Variants in ASIC2 observed in about 807,000 individuals in gnomAD.
The protein encoded by ASIC2 is acid-sensing ion channel 2.
A neutral mutation model predicts 57.3 loss-of-function variants in ASIC2; 25 were observed. The ratio of observed to expected loss-of-function variants is 0.44; its 90% CI spans 0.32 to 0.61. ASIC2 has a LOEUF of 0.61. Ranked by LOEUF, ASIC2 falls within the 20% of genes least tolerant of loss-of-function variation. ASIC2 has a pLI of 0.06. For missense variants in ASIC2, 641 were observed against 738.1 expected (o/e 0.87, Z 1.52); for synonymous variants, 319 against 307.5 (o/e 1.04, Z -0.39).
chr17:33,662,662 A>AATACATAC (rs1040286677), intron 1 of ASIC2, among the ~76,000 whole-genome samples: 4 of 99,192 alleles, frequency 4.0e-5, no homozygotes, highest in Middle Eastern at 4.9e-3. Flanking sequence ...TAAATAAATA[A>AATACATAC]ATAAATAAGT....
At chr17:34,031,260 G>A (rs2142037098) in intron 1 of ASIC2, among the ~76,000 whole-genome samples, 1 of 152,350 alleles carries the variant, frequency 6.6e-6, no homozygotes, top group Admixed American at 6.5e-5. Context: ...AGGGTCTGGA[G>A]TGGACCTCTA....
intron 1 of ASIC2, among the ~76,000 whole-genome samples, chr17:33,425,661 G>A (rs1911193433): frequency 6.6e-6 from 1 of 152,152 alleles, no homozygotes; most frequent in Admixed American, 6.5e-5. Context: ...GGAAGGTTGA[G>A]AAAACAGAAG....
At chr17:33,854,470 T>C (rs1329216891) in intron 1 of ASIC2, among the ~76,000 whole-genome samples, 1 of 152,228 alleles carries the variant, frequency 6.6e-6, no homozygotes, top group African/African-American at 2.4e-5. Context: ...CATATATATT[T>C]AGTACATGTG....
At position 33,713,537 on chromosome 17, in the gene ASIC2, A is replaced by G. The variant is rs1413929250; in HGVS notation, c.555+442441T>C. Among the ~76,000 whole-genome samples the G allele has an allele frequency of 2.0e-5, 3 of 152,156 alleles. No homozygotes were observed. In the South Asian group the frequency reaches 6.2e-4, roughly 32 times the overall value. On this transcript the variant is annotated intron_variant, in intron 1 of 9. Transcript: ENST00000359872. Reference sequence around the variant, plus strand: ...TTGTGAGTGTGTGTCTCTTTGTCCAAATGTCCCTCTCCTTGTAAGGACACC... The same window carrying G: ...TTGTGAGTGTGTGTCTCTTTGTCCAGATGTCCCTCTCCTTGTAAGGACACC...
chr17:33,555,936 A>T (rs1467164575), intron 1 of ASIC2, among the ~76,000 whole-genome samples: 2 of 152,246 alleles, frequency 1.3e-5, no homozygotes, highest in African/African-American at 2.4e-5. Flanking sequence ...TCTGTTTTCC[A>T]GGACCTTAGA....
intron 5 of ASIC2, 71 bp downstream of exon 5, chr17:33,025,855 C>G: frequency 7.0e-7 from 1 of 1,436,574 alleles, no homozygotes; most frequent in Non-Finnish European, 9.4e-7. Flanking sequence ...TTCCCCAAAC[C>G]CAGATGATTT....
intron 1 of ASIC2, among the ~76,000 whole-genome samples, chr17:33,853,796 T>C (rs1218651584): frequency 6.6e-6 from 1 of 152,086 alleles, no homozygotes; most frequent in African/African-American, 2.4e-5. Context: ...GCTGATTTGA[T>C]AAGTAAGAGG....
At chr17:34,013,341 C>T (rs1281265986) in intron 1 of ASIC2, among the ~76,000 whole-genome samples, 5 of 152,130 alleles carry the variant, frequency 3.3e-5, no homozygotes, top group Non-Finnish European at 5.9e-5. Flanking sequence ...TAGAATGCTC[C>T]GCCTCCCAGG....
At chr17:33,749,683 C>T (rs895558357) in intron 1 of ASIC2, among the ~76,000 whole-genome samples, 6 of 152,120 alleles carry the variant, frequency 3.9e-5, no homozygotes, top group Admixed American at 2.0e-4. Flanking sequence ...GGACGACTGC[C>T]TCTCTTACAG....
At chr17:33,233,166 C>T (rs549463030) in intron 1 of ASIC2, among the ~76,000 whole-genome samples, 63 of 151,510 alleles carry the variant, frequency 4.2e-4, no homozygotes, top group African/African-American at 1.4e-3. Context: ...ATACCCTCAG[C>T]GGTCTGGGTA....
At chr17:33,169,620 C>T (rs1905431668) in intron 1 of ASIC2, among the ~76,000 whole-genome samples, 1 of 152,180 alleles carries the variant, frequency 6.6e-6, no homozygotes, top group Non-Finnish European at 1.5e-5. Context: ...CAAATCTCTC[C>T]TTTTCTCAAA....
chr17:33,657,073 A>G (rs1907098192), intron 1 of ASIC2, among the ~76,000 whole-genome samples: 1 of 152,316 alleles, frequency 6.6e-6, no homozygotes, highest in East Asian at 1.9e-4. Flanking sequence ...TTGGATGAAC[A>G]TCTGAGATAG....
intron 1 of ASIC2, among the ~76,000 whole-genome samples, chr17:34,049,188 A>C (rs1908451234): frequency 6.6e-6 from 1 of 152,126 alleles, no homozygotes; most frequent in Admixed American, 6.5e-5. Context: ...GGTGCTGAGG[A>C]GGCTAATGTG....
At chr17:33,143,774 A>T (rs1245719526) in intron 1 of ASIC2, among the ~76,000 whole-genome samples, 1 of 152,216 alleles carries the variant, frequency 6.6e-6, no homozygotes, top group Non-Finnish European at 1.5e-5. Flanking sequence ...ATCCAACCCT[A>T]AGCTAGTATT....
chr17:33,038,956 C>A (rs550078284), intron 3 of ASIC2, among the ~76,000 whole-genome samples: 1 of 152,190 alleles, frequency 6.6e-6, no homozygotes, highest in Non-Finnish European at 1.5e-5. Flanking sequence ...GCTCCCTGGG[C>A]CCTTCCCTCC....
intron 1 of ASIC2, among the ~76,000 whole-genome samples, chr17:33,162,183 G>A (rs1905182219): frequency 6.6e-6 from 1 of 152,070 alleles, no homozygotes. Context: ...GTTAATATGA[G>A]CCTCCACCCC....
At position 34,140,381 on chromosome 17, in the gene ASIC2, G is replaced by A. The variant is rs549938018; in HGVS notation, c.555+15597C>T. Among the ~76,000 whole-genome samples, 10 of 152,310 alleles carry A rather than the reference G, an allele frequency of 6.6e-5. No homozygotes were observed. In the South Asian group the frequency reaches 1.2e-3, roughly 19 times the overall value. On this transcript the variant is annotated intron_variant, in intron 1 of 9. Transcript: ENST00000359872. Reference sequence around the variant, plus strand: ...TGTAAATTCCTGGTTTGAGATGTACGTGTAAATGTAGATGTAACTATCCTA... The same window carrying A: ...TGTAAATTCCTGGTTTGAGATGTACATGTAAATGTAGATGTAACTATCCTA...
At chr17:33,498,110 C>A (rs1266671735) in intron 1 of ASIC2, among the ~76,000 whole-genome samples, 1 of 152,210 alleles carries the variant, frequency 6.6e-6, no homozygotes, top group Admixed American at 6.5e-5. Flanking sequence ...TGGATAGAAT[C>A]ATCCCCATGT....
intron 1 of ASIC2, among the ~76,000 whole-genome samples, chr17:34,028,773 G>T (rs1470648702): frequency 6.6e-6 from 1 of 152,132 alleles, no homozygotes; most frequent in East Asian, 1.9e-4. Flanking sequence ...GCGATTTCCT[G>T]CTCCTCTCAC....
Sources: allele counts gnomAD v4.1 joint callset (sites outside exome capture counted in the v4.1 genomes callset), GRCh38; gene constraint gnomAD v4.1.1; transcripts MANE v1.5; gene names NCBI Gene and HGNC (gene_info 2026-07-23, HGNC 2026-07-21).